The following SMYD3 variants were observed in gnomAD, a reference collection of about 807,000 sequenced individuals.
The protein encoded by SMYD3 is SET and MYND domain containing 3.
SMYD3 carries 36 observed loss-of-function variants against 57.7 expected under a neutral mutation model. The observed-to-expected ratio is 0.62, with a 90% CI of 0.48 to 0.82. The LOEUF is 0.82. Among genes scored for constraint, SMYD3 ranks in the 40% least tolerant of loss-of-function variants. SMYD3 has a pLI of 0.00. For synonymous variants in SMYD3, 211 were observed against 195.0 expected (o/e 1.08, Z -0.68); for missense variants, 515 against 538.8 (o/e 0.96, Z 0.44).
chr1:246,185,185 T>C (rs2062612443), intron 5 of SMYD3, among the ~76,000 whole-genome samples: 1 of 152,226 alleles, frequency 6.6e-6, no homozygotes, highest in East Asian at 1.9e-4. Flanking sequence ...GCCTGGAGAA[T>C]GCTCACCCTT....
chr1:246,033,280 T>TG (rs2059711322), intron 5 of SMYD3, among the ~76,000 whole-genome samples: 1 of 151,790 alleles, frequency 6.6e-6, no homozygotes, highest in African/African-American at 2.4e-5. Context: ...TTATCCTAAG[T>TG]GAAAAAAAAA....
At chr1:246,409,778 T>C (rs1462632068) in intron 1 of SMYD3, among the ~76,000 whole-genome samples, 1 of 152,240 alleles carries the variant, frequency 6.6e-6, no homozygotes, top group African/African-American at 2.4e-5. Flanking sequence ...GTATAGCTTT[T>C]TTCATGATAT....
chr1:245,839,467 C>T, intron 10 of SMYD3, among the ~76,000 whole-genome samples: 1 of 151,824 alleles, frequency 6.6e-6, no homozygotes, highest in Admixed American at 6.6e-5. Context: ...CTGTGCCCAG[C>T]CCAGGCCAGC....
chr1:246,070,530 A>G (rs767044719), intron 5 of SMYD3, among the ~76,000 whole-genome samples: 1 of 152,234 alleles, frequency 6.6e-6, no homozygotes, highest in African/African-American at 2.4e-5. Flanking sequence ...CTACAACACC[A>G]TAAGATAATC....
rs537617147 is a variant in SMYD3, at chr1:246,036,576, C to T, written c.532-106639G>A. Reference sequence around the variant, plus strand: ...TTTGTTTTGTTTTGTTTTTTTGAGACGGAGTCTCGCTTTGTTGCCCAGGCT... The same window carrying T: ...TTTGTTTTGTTTTGTTTTTTTGAGATGGAGTCTCGCTTTGTTGCCCAGGCT... On this transcript the variant is annotated intron_variant, in intron 5 of 11. Coordinates refer to ENST00000490107, the MANE Select transcript of SMYD3 (RefSeq NM_001167740.2). Among the ~76,000 whole-genome samples, 5 of 144,862 alleles carry T rather than the reference C, an allele frequency of 3.5e-5. No individual in the cohort carries two copies. In the East Asian group the frequency reaches 5.9e-4, roughly 17 times the overall value.
chr1:245,946,961 CA>C (rs1227142301), intron 5 of SMYD3, among the ~76,000 whole-genome samples: 1 of 152,166 alleles, frequency 6.6e-6, no homozygotes, highest in African/African-American at 2.4e-5. Context: ...TCTGTCAAAA[CA>C]TAAGTTGCAA....
intron 5 of SMYD3, among the ~76,000 whole-genome samples, chr1:246,307,563 G>C (rs970685639): frequency 6.6e-6 from 1 of 151,312 alleles, no homozygotes; most frequent in African/African-American, 2.4e-5. Context: ...GGGACTACAG[G>C]CGCCCGCCAC....
At chr1:246,466,667 T>C (rs2067886429) in intron 1 of SMYD3, among the ~76,000 whole-genome samples, 1 of 152,140 alleles carries the variant, frequency 6.6e-6, no homozygotes, top group Non-Finnish European at 1.5e-5. Flanking sequence ...CACGTATCCC[T>C]GAACCTAAAA....
rs944499401 is a variant in SMYD3 at position 246,506,996 on chromosome 1, C to A, written c.164+58G>T. 3.6e-5 allele frequency: 29 copies of A among 816,182 alleles called. 2 individuals are homozygous for A. The highest frequency in any genetic ancestry group is 6.8e-4 in the Middle Eastern group (2 of 2,956). 50.6% of individuals were successfully genotyped at this position (816,182 alleles called of 1,614,324 possible). ...GGCTGCCGGCCGCCCGACGCCCCCC[C>A]CTCCCCAGCACCCCACACAGCTCGC... On this transcript the variant is annotated intron_variant, in intron 1 of 11. Coordinates refer to ENST00000490107, the MANE Select transcript of SMYD3 (RefSeq NM_001167740.2).
chr1:246,078,503 C>T (rs766861087), intron 5 of SMYD3, among the ~76,000 whole-genome samples: 30 of 152,220 alleles, frequency 2.0e-4, no homozygotes, highest in Non-Finnish European at 4.3e-4. Context: ...TTCTGCCTAT[C>T]TAGACCATCT....
intron 5 of SMYD3, among the ~76,000 whole-genome samples, chr1:246,066,283 G>A (rs894531861): frequency 6.6e-6 from 1 of 152,158 alleles, no homozygotes; most frequent in Non-Finnish European, 1.5e-5. Flanking sequence ...CAGCTTAGTG[G>A]ACATCCTAAA....
At chr1:246,496,341 T>TC (rs762562223) in intron 1 of SMYD3, among the ~76,000 whole-genome samples, 1 of 152,140 alleles carries the variant, frequency 6.6e-6, no homozygotes, top group Non-Finnish European at 1.5e-5. Context: ...GCCAGTTTCT[T>TC]GATTTTTTTC....
intron 11 of SMYD3, among the ~76,000 whole-genome samples, chr1:245,758,762 T>G (rs957487766): frequency 1.9e-4 from 29 of 152,236 alleles, no homozygotes; most frequent in Non-Finnish European, 3.2e-4. Flanking sequence ...TCATGGCTGC[T>G]TTAAAATCTG....
At chr1:246,042,642 G>A (rs751195780) in intron 5 of SMYD3, among the ~76,000 whole-genome samples, 13 of 152,186 alleles carry the variant, frequency 8.5e-5, no homozygotes, top group Non-Finnish European at 1.9e-4. Flanking sequence ...AATCAGAGCT[G>A]CGTTAATCAA....
At chr1:246,483,747 T>C (rs369217926) in intron 1 of SMYD3, 77 of 152,318 alleles carry the variant, frequency 5.1e-4, no homozygotes, top group African/African-American at 1.8e-3. Flanking sequence ...GCAATGAGCA[T>C]TCACATTCTT....
chr1:245,949,030 G>T (rs1358927835), intron 5 of SMYD3, among the ~76,000 whole-genome samples: 2 of 152,322 alleles, frequency 1.3e-5, no homozygotes, highest in Admixed American at 1.3e-4. Context: ...CATTGCATGT[G>T]CCAACTGCAG....
At chr1:245,965,668 A>G (rs1226456573) in intron 5 of SMYD3, among the ~76,000 whole-genome samples, 4 of 152,256 alleles carry the variant, frequency 2.6e-5, no homozygotes, top group Non-Finnish European at 5.9e-5. Flanking sequence ...ACTGTATGAC[A>G]TTATGGAAAA....
intron 5 of SMYD3, among the ~76,000 whole-genome samples, chr1:246,232,849 G>A (rs1248623502): frequency 1.5e-5 from 2 of 133,224 alleles, no homozygotes; most frequent in African/African-American, 5.5e-5. Flanking sequence ...CCACACAGGG[G>A]AGAAGCGCTC....
intron 5 of SMYD3, among the ~76,000 whole-genome samples, chr1:246,322,683 C>T (rs2065269306): frequency 6.6e-6 from 1 of 152,124 alleles, no homozygotes. Flanking sequence ...TATCTCCGTT[C>T]AGCCACACAC....
Sources: gnomAD v4.1 joint callset for allele counts (sites outside exome capture counted in the v4.1 genomes callset) on GRCh38, gnomAD v4.1.1 for gene constraint, MANE v1.5 for transcripts, NCBI Gene and HGNC (gene_info 2026-07-23, HGNC 2026-07-21) for gene names.